The following KCNH1 variants were observed in gnomAD, a reference collection of about 807,000 sequenced individuals.
The protein encoded by KCNH1 is potassium voltage-gated channel subfamily H member 1.
KCNH1 carries 27 observed loss-of-function variants against 69.2 expected under a neutral mutation model. The observed-to-expected ratio is 0.39, with a 90% CI of 0.29 to 0.54. KCNH1 has a LOEUF of 0.54. Ranked by LOEUF, KCNH1 falls within the 20% of genes least tolerant of loss-of-function variation. The pLI is 0.68. For missense variants in KCNH1, 798 were observed against 1,261.6 expected, an observed-to-expected ratio of 0.63 and a Z score of 5.57; for synonymous variants, 456 against 487.7, an observed-to-expected ratio of 0.93 and a Z score of 0.86.
chr1:211,133,104 T>C lies in KCNH1; in HGVS notation c.79+763A>G, dbSNP rs1452886919. 6.6e-6 allele frequency: 1 copy of C among 152,104 alleles called. No individual in the cohort carries two copies. Among genetic ancestry groups the C allele is most frequent in the Non-Finnish European group, 1.5e-5 (1 of 68,050 alleles). The allele number at this position is 152,104 out of a possible 1,614,324, so 9.4% of individuals were successfully genotyped here. On this transcript the variant is annotated intron_variant, in intron 1 of 10. Coordinates refer to ENST00000271751, the MANE Select transcript of KCNH1 (RefSeq NM_172362.3). The surrounding 1 kb of genome is among the most constrained non-coding windows in gnomAD (Gnocchi z 5.4). ...GGATCTATTTATAGGTTTGGTGAGA[T>C]TGGGAATTTATAGGTGAGCAACACT...
chr1:210,707,548 G>A (rs540222498), intron 10 of KCNH1, among the ~76,000 whole-genome samples: 172 of 152,280 alleles, frequency 1.1e-3, no homozygotes, highest in Middle Eastern at 0.01. Context: ...TGCCTGATTC[G>A]TGCTCTTGGC....
intron 9 of KCNH1, among the ~76,000 whole-genome samples, chr1:210,790,388 A>G (rs1684189992): frequency 6.6e-6 from 1 of 151,994 alleles, no homozygotes; most frequent in South Asian, 2.1e-4. Context: ...TGATGCCTCC[A>G]TTTCCCCACT....
intron 6 of KCNH1, among the ~76,000 whole-genome samples, chr1:210,940,374 C>T (rs527675331): frequency 6.6e-6 from 1 of 152,282 alleles, no homozygotes; most frequent in East Asian, 1.9e-4. Flanking sequence ...ACTGAATTAG[C>T]ACAAGACCTG....
At chr1:210,796,353 T>A (rs1249495170) in intron 9 of KCNH1, among the ~76,000 whole-genome samples, 1 of 152,142 alleles carries the variant, frequency 6.6e-6, no homozygotes, top group African/African-American at 2.4e-5. Flanking sequence ...TTACTGTAAG[T>A]TTAAAATGAG....
intron 3 of KCNH1, among the ~76,000 whole-genome samples, chr1:211,093,455 T>C (rs1383011481): frequency 6.6e-6 from 1 of 152,126 alleles, no homozygotes; most frequent in African/African-American, 2.4e-5. Flanking sequence ...CTGGCTAATT[T>C]TTGTATTTTT....
chr1:210,798,597 A>G (rs1684369573), intron 8 of KCNH1, among the ~76,000 whole-genome samples: 1 of 152,108 alleles, frequency 6.6e-6, no homozygotes, highest in Admixed American at 6.5e-5. Context: ...GAATGTCATG[A>G]CCTGACTTAC....
At chr1:210,909,650 A>C (rs1687186581) in intron 7 of KCNH1, among the ~76,000 whole-genome samples, 1 of 152,230 alleles carries the variant, frequency 6.6e-6, no homozygotes, top group African/African-American at 2.4e-5. Flanking sequence ...GGGACTGTCT[A>C]TGCTATACAA....
At chr1:211,040,145 C>G (rs563736708) in intron 5 of KCNH1, among the ~76,000 whole-genome samples, 3 of 146,408 alleles carry the variant, frequency 2.0e-5, no homozygotes, top group African/African-American at 7.6e-5. Flanking sequence ...GAGCCAAGAT[C>G]GTGCCACTGC....
intron 1 of KCNH1, among the ~76,000 whole-genome samples, chr1:211,117,150 G>A (rs1039866715): frequency 7.9e-5 from 12 of 152,208 alleles, no homozygotes; most frequent in Admixed American, 2.0e-4. Flanking sequence ...TGCTGATGCT[G>A]TGTAAGCTCT....
At position 211,109,616 on chromosome 1, in the gene KCNH1, C is replaced by T. The variant is rs992229926; in HGVS notation, c.80-2239G>A. Among the ~76,000 whole-genome samples, 16 of 151,994 alleles carry T rather than the reference C, an allele frequency of 1.1e-4. No individual in the cohort carries two copies. The East Asian group carries it at 1.2e-3, about 11-fold the overall frequency. The stretch of plus-strand genomic sequence containing the variant: ...TAATGCTCCACTGAGATTATCTATG[C>T]GGAAAGAGGGAAGAATAGCCAGTTA... On this transcript the variant is annotated intron_variant, in intron 1 of 10. Coordinates refer to ENST00000271751, the MANE Select transcript of KCNH1 (RefSeq NM_172362.3).
At chr1:211,128,399 C>T (rs1691820397) in intron 1 of KCNH1, among the ~76,000 whole-genome samples, 2 of 151,822 alleles carry the variant, frequency 1.3e-5, no homozygotes, top group South Asian at 4.2e-4. Context: ...ATATAAAGCT[C>T]CAAAACAGAT....
At chr1:210,850,275 G>T (rs1263047623) in intron 7 of KCNH1, among the ~76,000 whole-genome samples, 1 of 151,992 alleles carries the variant, frequency 6.6e-6, no homozygotes, top group Non-Finnish European at 1.5e-5. Flanking sequence ...GAGGCAGATG[G>T]ATCACTTGAG....
chr1:210,798,168 T>C (rs1246101813), intron 8 of KCNH1, among the ~76,000 whole-genome samples: 1 of 151,588 alleles, frequency 6.6e-6, no homozygotes, highest in Non-Finnish European at 1.5e-5. Flanking sequence ...GCCTCCCGAG[T>C]AGCTGGGACT....
intron 10 of KCNH1, among the ~76,000 whole-genome samples, chr1:210,770,531 G>A (rs1022159612): frequency 6.6e-6 from 1 of 152,176 alleles, no homozygotes; most frequent in Non-Finnish European, 1.5e-5. Flanking sequence ...TCAAAGCATT[G>A]GCCTTTCTAG....
At chr1:211,045,818 C>G (rs1374383698) in intron 5 of KCNH1, among the ~76,000 whole-genome samples, 1 of 152,100 alleles carries the variant, frequency 6.6e-6, no homozygotes, top group African/African-American at 2.4e-5. Context: ...ACTTTGTGCC[C>G]TTTGACTAAT....
intron 3 of KCNH1, among the ~76,000 whole-genome samples, chr1:211,100,142 T>C (rs1691232654): frequency 6.6e-6 from 1 of 152,112 alleles, no homozygotes; most frequent in African/African-American, 2.4e-5. Flanking sequence ...ATTACGGGCG[T>C]GAGCCACTAC....
At chr1:210,847,486 A>T (rs1190288312) in intron 7 of KCNH1, among the ~76,000 whole-genome samples, 2 of 151,836 alleles carry the variant, frequency 1.3e-5, no homozygotes, top group African/African-American at 4.8e-5. Flanking sequence ...AAGGACAAAA[A>T]ACCAAACACC....
At position 210,682,951 on chromosome 1, in the gene KCNH1, G is replaced by A. The variant is rs10082305; in HGVS notation, c.*330C>T. 8.1e-4 allele frequency: 239 copies of A among 293,886 alleles called. No homozygotes were observed. Among genetic ancestry groups the A allele is most frequent in the African/African-American group, 5.0e-3 (228 of 45,802 alleles). The allele number at this position is 293,886 out of a possible 1,614,324, so 18.2% of individuals were successfully genotyped here. A position where few individuals can be genotyped will look rare whatever the true frequency, so the allele number is the denominator to read the frequency against. On this transcript the variant is annotated 3_prime_UTR_variant, in exon 11 of 11. Coordinates refer to ENST00000271751, the MANE Select transcript of KCNH1 (RefSeq NM_172362.3). The stretch of plus-strand genomic sequence containing the variant: ...TCCCACCAGTCCCCAGATGGCTGCT[G>A]CTCTGTTCTGGTAGTTTTAATCTTT...
At chr1:211,077,993 A>G (rs1415439456) in intron 5 of KCNH1, among the ~76,000 whole-genome samples, 1 of 152,216 alleles carries the variant, frequency 6.6e-6, no homozygotes, top group Non-Finnish European at 1.5e-5. Context: ...AACAGACTTT[A>G]AACCAACAAA....
Sources: gnomAD v4.1 joint callset for allele counts (sites outside exome capture counted in the v4.1 genomes callset) on GRCh38, gnomAD v4.1.1 for gene constraint, Gnocchi (gnomAD v3.1) non-coding constraint, MANE v1.5 for transcripts, NCBI Gene and HGNC (gene_info 2026-07-23, HGNC 2026-07-21) for gene names.